Variants in MSI2 observed in about 807,000 individuals in gnomAD.
The protein encoded by MSI2 is musashi RNA binding protein 2.
A neutral mutation model predicts 45.6 loss-of-function variants in MSI2; 17 were observed. That is an observed-to-expected ratio of 0.37 (90% CI 0.26 to 0.56). The LOEUF is 0.56. MSI2 is among the 20% of genes least tolerant of loss of function. The pLI, the probability that MSI2 is intolerant of heterozygous loss-of-function variation, is 0.77. For missense variants in MSI2, 293 were observed against 444.2 expected, an observed-to-expected ratio of 0.66 and a Z score of 3.06; for synonymous variants, 156 against 158.2, an observed-to-expected ratio of 0.99 and a Z score of 0.11.
At chr17:57,294,033 A>C (rs1910710614) in intron 5 of MSI2, among the ~76,000 whole-genome samples, 1 of 151,220 alleles carries the variant, frequency 6.6e-6, no homozygotes, top group Admixed American at 6.6e-5. Flanking sequence ...CCTTGTGTGC[A>C]TCTCTGTGGT....
At chr17:57,647,274 C>CAA (rs33915774) in intron 10 of MSI2, among the ~76,000 whole-genome samples, 33 of 37,670 alleles carry the variant, frequency 8.8e-4, no homozygotes, top group Non-Finnish European at 1.3e-3. Context: ...ACTAAAAATA[C>CAA]AAAAAAAAAA....
chr17:57,653,286 C>T (rs563659099), intron 11 of MSI2, among the ~76,000 whole-genome samples: 101 of 152,276 alleles, frequency 6.6e-4, no homozygotes, highest in African/African-American at 2.4e-3. Context: ...TCCACTCCCC[C>T]GAATCATCCC....
intron 5 of MSI2, among the ~76,000 whole-genome samples, chr17:57,383,328 G>C (rs1334989371): frequency 6.6e-6 from 1 of 152,208 alleles, no homozygotes; most frequent in African/African-American, 2.4e-5. Context: ...GTGGCTGTTT[G>C]GAACTACTGA....
intron 6 of MSI2, among the ~76,000 whole-genome samples, chr17:57,467,385 C>G (rs527938365): frequency 1.3e-5 from 2 of 152,230 alleles, no homozygotes; most frequent in East Asian, 1.9e-4. Context: ...AGAGGAAGGA[C>G]AGATGCACGG....
intron 8 of MSI2, among the ~76,000 whole-genome samples, chr17:57,610,097 A>G (rs1907085247): frequency 6.6e-6 from 1 of 152,166 alleles, no homozygotes; most frequent in Non-Finnish European, 1.5e-5. Flanking sequence ...TAACTGTGCT[A>G]TGATTACGTA....
chr17:57,533,469 T>C (rs902625623), intron 7 of MSI2, among the ~76,000 whole-genome samples: 1 of 152,236 alleles, frequency 6.6e-6, no homozygotes, highest in Admixed American at 6.5e-5. Flanking sequence ...TCTCAGGTTC[T>C]TCCTCTAAAA....
intron 7 of MSI2, among the ~76,000 whole-genome samples, chr17:57,583,832 T>C (rs909406521): frequency 5.3e-5 from 8 of 152,208 alleles, no homozygotes; most frequent in African/African-American, 1.7e-4. Flanking sequence ...ATACAGATGC[T>C]GGGGTGCTAC....
At chr17:57,444,441 G>T (rs920337961) in intron 6 of MSI2, 1 of 152,246 alleles carries the variant, frequency 6.6e-6, no homozygotes, top group East Asian at 1.9e-4. Context: ...AAAATTAGTC[G>T]GGCGTGGCGG....
At chr17:57,584,857 T>C (rs773952170) in intron 7 of MSI2, among the ~76,000 whole-genome samples, 5 of 151,956 alleles carry the variant, frequency 3.3e-5, no homozygotes, top group Non-Finnish European at 7.4e-5. Context: ...GGTCTCGCTC[T>C]GTCACCCAGG....
At chr17:57,547,741 T>TACACACACACACACACAC (rs34631177) in intron 7 of MSI2, among the ~76,000 whole-genome samples, 4 of 123,314 alleles carry the variant, frequency 3.2e-5, no homozygotes, top group Non-Finnish European at 5.4e-5. Context: ...AGACAAAAAG[T>TACACACACACACACACAC]ACACACACAC....
At chr17:57,574,466 G>C (rs2087960919) in intron 7 of MSI2, among the ~76,000 whole-genome samples, 1 of 152,204 alleles carries the variant, frequency 6.6e-6, no homozygotes, top group East Asian at 1.9e-4. Context: ...GCAGGGCGGA[G>C]AAGCCAGCCC....
rs2084353434 is a variant in MSI2, at chr17:57,419,355, T to C, written c.405+17884T>C. 2.6e-5 allele frequency among the ~76,000 whole-genome samples: 3 copies of C among 116,154 alleles called. No homozygotes were observed. In the South Asian group the frequency reaches 1.1e-3, roughly 42 times the overall value. 76.2% of individuals were successfully genotyped at this position (116,154 alleles called of 152,430 possible). ...TAGAAAACTTGGGCTTTAACGCAATTATTACATTTTTCTTTTTTTTTTTTT... is the reference window on the plus strand; with the variant it reads ...TAGAAAACTTGGGCTTTAACGCAATCATTACATTTTTCTTTTTTTTTTTTT... On this transcript the variant is annotated intron_variant, in intron 6 of 13. Coordinates refer to ENST00000284073, the MANE Select transcript of MSI2 (RefSeq NM_138962.4).
chr17:57,312,889 C>T (rs1166862120), intron 5 of MSI2, among the ~76,000 whole-genome samples: 1 of 152,184 alleles, frequency 6.6e-6, no homozygotes, highest in African/African-American at 2.4e-5. Flanking sequence ...GCTCTGTTGC[C>T]AGGCTGGAGT....
At chr17:57,255,980 G>C (rs1258869017), upstream of MSI2, 1 of 152,130 alleles carries the variant, frequency 6.6e-6, no homozygotes, top group African/African-American at 2.4e-5. Context: ...GAGCGCCAGG[G>C]TGTGGGTTTG....
intron 5 of MSI2, among the ~76,000 whole-genome samples, chr17:57,318,114 A>G (rs148126682): frequency 0.011 from 1,607 of 152,244 alleles, 31 homozygotes; most frequent in African/African-American, 0.036. Flanking sequence ...GCACCACTGC[A>G]CTCCAACCTG....
chr17:57,406,423 G>A (rs1942159828), intron 6 of MSI2, among the ~76,000 whole-genome samples: 1 of 152,148 alleles, frequency 6.6e-6, no homozygotes, highest in African/African-American at 2.4e-5. Context: ...GGATTTTGGA[G>A]ATCAAAAAGA....
At chr17:57,353,609 T>C (rs1916202779) in intron 5 of MSI2, among the ~76,000 whole-genome samples, 2 of 152,218 alleles carry the variant, frequency 1.3e-5, no homozygotes, top group African/African-American at 2.4e-5. Context: ...ATTTCTCTTG[T>C]AGGAGCATTT....
At chr17:57,431,633 CT>C (rs1404971145) in intron 6 of MSI2, among the ~76,000 whole-genome samples, 1 of 152,174 alleles carries the variant, frequency 6.6e-6, no homozygotes, top group Non-Finnish European at 1.5e-5. Context: ...CCTGCCACCC[CT>C]GGAGCTGTTT....
At chr17:57,363,371 G>A (rs1185697569) in intron 5 of MSI2, among the ~76,000 whole-genome samples, 1 of 152,100 alleles carries the variant, frequency 6.6e-6, no homozygotes, top group African/African-American at 2.4e-5. Flanking sequence ...CAAGGGGGTG[G>A]GGAGCTCTGT....
Sources: gnomAD v4.1 joint callset for allele counts (sites outside exome capture counted in the v4.1 genomes callset) on GRCh38, gnomAD v4.1.1 for gene constraint, MANE v1.5 for transcripts, NCBI Gene and HGNC (gene_info 2026-07-23, HGNC 2026-07-21) for gene names.